PBX3: variants seen among roughly 807,000 people sequenced by gnomAD.
PBX3 encodes the protein PBX homeobox 3, also known as pre-B-cell leukemia transcription factor 3.
In PBX3, 14 loss-of-function variants were observed where a neutral mutation model predicts 48.5. That is an observed-to-expected ratio of 0.29 (90% confidence interval 0.19 to 0.45). The LOEUF (loss-of-function observed/expected upper bound fraction) is 0.45. Ranked by LOEUF, PBX3 falls within the 20% of genes least tolerant of loss-of-function variation. The pLI, the probability that PBX3 is intolerant of heterozygous loss-of-function variation, is 1.00. For synonymous variants in PBX3, 210 were observed against 200.3 expected, an observed-to-expected ratio of 1.05 and a Z score of -0.41; for missense variants, 386 against 546.7, an observed-to-expected ratio of 0.71 and a Z score of 2.93.
chr9:125,950,017 A>G (rs1842158601), intron 5 of PBX3, among the ~76,000 whole-genome samples: 1 of 152,148 alleles, frequency 6.6e-6, no homozygotes, highest in Non-Finnish European at 1.5e-5. Context: ...TAGGAAGGAA[A>G]ACTATTGAGT....
intron 2 of PBX3, among the ~76,000 whole-genome samples, chr9:125,864,814 T>C (rs953315668): frequency 6.6e-6 from 1 of 152,186 alleles, no homozygotes; most frequent in Non-Finnish European, 1.5e-5. Context: ...CAACAGGCCG[T>C]GAACCAGCAC....
At chr9:125,949,485 A>C in intron 5 of PBX3, 2 of 1,550,226 alleles carry the variant, frequency 1.3e-6, no homozygotes, top group Non-Finnish European at 1.7e-6. Flanking sequence ...AGGGAGGGGC[A>C]TGAGGGTGTG....
chr9:125,942,985 G>C (rs1173201421), intron 5 of PBX3, among the ~76,000 whole-genome samples: 4 of 152,170 alleles, frequency 2.6e-5, no homozygotes, highest in Non-Finnish European at 2.9e-5. Flanking sequence ...TTGCTCCAGT[G>C]ATGTCAGGTA....
At chr9:125,899,259 TTATATATAAA>T (rs1840857361) in intron 2 of PBX3, among the ~76,000 whole-genome samples, 2 of 124,518 alleles carry the variant, frequency 1.6e-5, no homozygotes, top group African/African-American at 2.8e-5. Flanking sequence ...GTATATATAT[TTATATATAAA>T]TATACATATG....
At chr9:125,757,994 G>GT (rs1359556632) in intron 2 of PBX3, among the ~76,000 whole-genome samples, 1 of 152,202 alleles carries the variant, frequency 6.6e-6, no homozygotes, top group Non-Finnish European at 1.5e-5. Flanking sequence ...AGGTGTGGGT[G>GT]TTTGACTTGT....
intron 3 of PBX3, among the ~76,000 whole-genome samples, chr9:125,918,356 T>C (rs1329825803): frequency 1.3e-5 from 2 of 152,328 alleles, no homozygotes; most frequent in East Asian, 3.9e-4. Flanking sequence ...TATACCAGCA[T>C]CAAATCACCA....
At chr9:125,765,428 G>A (rs10986887) in intron 2 of PBX3, among the ~76,000 whole-genome samples, 3,057 of 152,178 alleles carry the variant, frequency 0.02, 171 homozygotes, top group East Asian at 0.17. Flanking sequence ...GGGATTACAG[G>A]CGTGAGGCAC....
intron 1 of PBX3, chr9:125,748,289 G>A: frequency 9.2e-7 from 1 of 1,091,120 alleles, no homozygotes; most frequent in South Asian, 3.3e-5. Flanking sequence ...CTCCCCGCGC[G>A]GGTTCGCGTC....
At chr9:125,913,513 CTAAT>C (rs1303712386) in intron 2 of PBX3, among the ~76,000 whole-genome samples, 2 of 152,030 alleles carry the variant, frequency 1.3e-5, no homozygotes, top group Non-Finnish European at 2.9e-5. Context: ...TCATAGATGG[CTAAT>C]TAGTTTTGTG....
intron 2 of PBX3, among the ~76,000 whole-genome samples, chr9:125,775,242 T>C (rs559521581): frequency 1.3e-5 from 2 of 152,340 alleles, no homozygotes; most frequent in South Asian, 4.1e-4. Context: ...TGAATTGATA[T>C]CTCACTGTGG....
chr9:125,871,677 G>A (rs1256370059), intron 2 of PBX3, among the ~76,000 whole-genome samples: 1 of 152,154 alleles, frequency 6.6e-6, no homozygotes, highest in African/African-American at 2.4e-5. Context: ...ATAAATCTTT[G>A]TATTGATTAT....
Position 125,748,639 on chromosome 9 carries a change from C to T in PBX3, c.274+16C>T, listed in dbSNP as rs184165701. On this transcript the variant is annotated intron_variant, in intron 2 of 8. Transcript: ENST00000373489. The stretch of plus-strand genomic sequence containing the variant: ...GAGAAAACAGGTAAGACGCTGCGCC[C>T]CGCAGTGGGCCTGGAGACCCCCGAG... 10,581 of 1,608,432 alleles carry T rather than the reference C, an allele frequency of 6.6e-3. 59 individuals are homozygous for T. Among genetic ancestry groups the T allele is most frequent in the South Asian group, 9.4e-3 (857 of 90,966 alleles).
At chr9:125,801,065 A>G (rs1245312039) in intron 2 of PBX3, among the ~76,000 whole-genome samples, 1 of 152,088 alleles carries the variant, frequency 6.6e-6, no homozygotes, top group East Asian at 1.9e-4. Context: ...ATTAATTTTT[A>G]TTTGAAGTTA....
At position 125,898,156 on chromosome 9, in the gene PBX3, T is replaced by C. The variant is rs146625464; in HGVS notation, c.275-17530T>C. On this transcript the variant is annotated intron_variant, in intron 2 of 8. Coordinates refer to ENST00000373489, the MANE Select transcript of PBX3 (RefSeq NM_006195.6). ...GCTAGAAAAAACAGATTTGAGCTCA[T>C]GAAGCAGTGGTTTTGCATTTTTAGA... Among the ~76,000 whole-genome samples the C allele has an allele frequency of 5.0e-3, 756 of 151,846 alleles. 2 individuals carry two copies. Among genetic ancestry groups the C allele is most frequent in the Middle Eastern group, 0.02 (6 of 294 alleles).
chr9:125,840,639 T>C (rs1839264608), intron 2 of PBX3, among the ~76,000 whole-genome samples: 1 of 151,982 alleles, frequency 6.6e-6, no homozygotes, highest in South Asian at 2.1e-4. Flanking sequence ...AACACTAGTA[T>C]TCTATATCTT....
rs147546033 is a variant in PBX3, at chr9:125,866,784, A to G, written c.275-48902A>G. On this transcript the variant is annotated intron_variant, in intron 2 of 8. Coordinates refer to ENST00000373489, the MANE Select transcript of PBX3 (RefSeq NM_006195.6). Reference sequence around the variant, plus strand: ...TGCTTAAAAAATTTCAAAAATGTCAACAATGATTTTTCTTGAAAGTGTTAA... The same window carrying G: ...TGCTTAAAAAATTTCAAAAATGTCAGCAATGATTTTTCTTGAAAGTGTTAA... Among the ~76,000 whole-genome samples the G allele has an allele frequency of 3.0e-3, 455 of 152,312 alleles. 1 individual carries two copies. Among genetic ancestry groups the G allele is most frequent in the African/African-American group, 0.011 (443 of 41,574 alleles).
intron 2 of PBX3, chr9:125,843,695 C>A: frequency 2.7e-6 from 1 of 374,800 alleles, no homozygotes. Context: ...AATGGAATTC[C>A]GTCTCTGTTA....
chr9:125,819,419 G>C (rs1462308893), intron 2 of PBX3, among the ~76,000 whole-genome samples: 1 of 151,744 alleles, frequency 6.6e-6, no homozygotes, highest in East Asian at 2.0e-4. Flanking sequence ...CCAGCTACTC[G>C]GAAGGTTGAG....
Position 125,948,318 on chromosome 9 carries a change from A to G in PBX3, c.844-12366A>G, listed in dbSNP as rs564353254. On this transcript the variant is annotated intron_variant, in intron 5 of 8. Transcript: ENST00000373489. ...TCTAATTTTAAGCACTTATAGAACAATTTGAAAGTTGACTATATTCTGGGA... is the reference window on the plus strand; with the variant it reads ...TCTAATTTTAAGCACTTATAGAACAGTTTGAAAGTTGACTATATTCTGGGA... 1.2e-3 allele frequency among the ~76,000 whole-genome samples: 183 copies of G among 152,368 alleles called. 1 individual carries two copies. The highest frequency in any genetic ancestry group is 2.2e-3 in the Non-Finnish European group (148 of 68,040).
Sources: gnomAD v4.1 joint callset for allele counts (sites outside exome capture counted in the v4.1 genomes callset) on GRCh38, gnomAD v4.1.1 for gene constraint, MANE v1.5 for transcripts, NCBI Gene and HGNC (gene_info 2026-07-23, HGNC 2026-07-21) for gene names.